Variants in CAP2 observed in about 807,000 individuals in gnomAD.
CAP2 encodes cyclase associated actin cytoskeleton regulatory protein 2.
CAP2 carries 24 observed loss-of-function variants against 57.7 expected under a neutral mutation model. The observed-to-expected ratio is 0.42, with a 90% CI of 0.30 to 0.58. The LOEUF is 0.58. CAP2 is among the 20% of genes least tolerant of loss of function. The probability of loss-of-function intolerance (pLI) is 0.22; values close to 1 mark genes in which losing one functional copy is unlikely to be tolerated. For missense variants in CAP2, 501 were observed against 590.3 expected (o/e 0.85, Z 1.57); for synonymous variants, 194 against 207.2 (o/e 0.94, Z 0.55).
chr6:17,434,231 C>CTTTTTTTTTTT (rs1219210615), intron 3 of CAP2, among the ~76,000 whole-genome samples: 1 of 137,114 alleles, frequency 7.3e-6, no homozygotes, highest in Non-Finnish European at 1.5e-5. Context: ...CTCTTTTTTT[C>CTTTTTTTTTTT]TTTCTTTTTT....
At chr6:17,523,904 T>A (rs542572389) in intron 7 of CAP2, among the ~76,000 whole-genome samples, 1 of 152,170 alleles carries the variant, frequency 6.6e-6, no homozygotes, top group East Asian at 1.9e-4. Flanking sequence ...TGAAACCCCG[T>A]CTCTACTAAA....
chr6:17,526,963 A>AG (rs1762526868), intron 7 of CAP2, among the ~76,000 whole-genome samples: 1 of 150,336 alleles, frequency 6.7e-6, no homozygotes, highest in Admixed American at 6.6e-5. Context: ...TCTCAAAAAA[A>AG]AAAAAAAAAA....
intron 7 of CAP2, among the ~76,000 whole-genome samples, chr6:17,538,988 G>C (rs1467652566): frequency 6.6e-6 from 1 of 152,176 alleles, no homozygotes; most frequent in Non-Finnish European, 1.5e-5. Context: ...GGACTTGGGA[G>C]TATGGCTCGT....
chr6:17,554,213 C>T (rs1763242153), intron 12 of CAP2, among the ~76,000 whole-genome samples: 1 of 152,116 alleles, frequency 6.6e-6, no homozygotes, highest in African/African-American at 2.4e-5. Flanking sequence ...CTCAATCGAT[C>T]TTCCTGCCTC....
chr6:17,491,174 G>A (rs189096744), intron 4 of CAP2, among the ~76,000 whole-genome samples: 126 of 151,870 alleles, frequency 8.3e-4, no homozygotes, highest in African/African-American at 2.9e-3. Flanking sequence ...GTCCCCCAAC[G>A]CCCCCGAGAT....
At chr6:17,546,387 G>A (rs981166263) in intron 11 of CAP2, among the ~76,000 whole-genome samples, 2 of 152,052 alleles carry the variant, frequency 1.3e-5, no homozygotes, top group African/African-American at 4.8e-5. Flanking sequence ...TTTTTGATGG[G>A]GTTGTTTGTT....
intron 3 of CAP2, among the ~76,000 whole-genome samples, chr6:17,428,379 G>C (rs1349566016): frequency 6.6e-6 from 1 of 152,116 alleles, no homozygotes; most frequent in Non-Finnish European, 1.5e-5. Flanking sequence ...ATGTATCACT[G>C]GGTTCTTCTT....
chr6:17,544,596 G>A (rs1417352881), intron 11 of CAP2, among the ~76,000 whole-genome samples: 3 of 151,264 alleles, frequency 2.0e-5, no homozygotes, highest in African/African-American at 4.9e-5. Flanking sequence ...CTGGAGTGCA[G>A]TGGCCCAGGC....
intron 7 of CAP2, among the ~76,000 whole-genome samples, chr6:17,532,156 T>C (rs950328565): frequency 7.1e-4 from 88 of 123,476 alleles, no homozygotes; most frequent in African/African-American, 2.6e-3. Context: ...TTTTTTTTTT[T>C]TGGAGGCAGA....
intron 3 of CAP2, among the ~76,000 whole-genome samples, chr6:17,427,020 C>T (rs527640687): frequency 7.2e-5 from 11 of 151,934 alleles, no homozygotes; most frequent in African/African-American, 2.7e-4. Context: ...GTTTTAAGTA[C>T]GAAAAGAATA....
chr6:17,459,023 G>A (rs1311303735), intron 3 of CAP2, among the ~76,000 whole-genome samples: 5 of 152,080 alleles, frequency 3.3e-5, no homozygotes, highest in Admixed American at 6.5e-5. Flanking sequence ...TCCCCAAAAC[G>A]CCTTAAAGAC....
intron 4 of CAP2, among the ~76,000 whole-genome samples, chr6:17,463,713 G>A (rs888876395): frequency 6.6e-6 from 1 of 152,150 alleles, no homozygotes; most frequent in African/African-American, 2.4e-5. Context: ...TGCCCATGCT[G>A]CTGATCCTCA....
chr6:17,476,753 G>T (rs1393511572), intron 4 of CAP2, among the ~76,000 whole-genome samples: 1 of 152,020 alleles, frequency 6.6e-6, no homozygotes, highest in Non-Finnish European at 1.5e-5. Flanking sequence ...TATCCCTGTG[G>T]CTTGTCAGTT....
intron 7 of CAP2, among the ~76,000 whole-genome samples, chr6:17,524,347 A>G (rs1020048632): frequency 1.3e-5 from 2 of 152,144 alleles, no homozygotes; most frequent in East Asian, 1.9e-4. Context: ...AACTGTTTTT[A>G]TTATCTCATA....
At chr6:17,511,642 C>T (rs898103792) in intron 6 of CAP2, among the ~76,000 whole-genome samples, 13 of 152,062 alleles carry the variant, frequency 8.5e-5, no homozygotes, top group Admixed American at 3.3e-4. Context: ...TTAGTGGAGA[C>T]GGAGTTTCGC....
chr6:17,537,327 C>T (rs1399529452), intron 7 of CAP2, among the ~76,000 whole-genome samples: 1 of 152,092 alleles, frequency 6.6e-6, no homozygotes, highest in Non-Finnish European at 1.5e-5. Context: ...GCTGGGACTA[C>T]AGGCATGCAT....
intron 4 of CAP2, among the ~76,000 whole-genome samples, chr6:17,482,635 T>G (rs1761321188): frequency 6.6e-6 from 1 of 151,996 alleles, no homozygotes; most frequent in South Asian, 2.1e-4. Context: ...GCTGGTAATC[T>G]GGTGTTTCGT....
At chr6:17,496,823 G>T (rs1306541682) in intron 4 of CAP2, among the ~76,000 whole-genome samples, 1 of 152,162 alleles carries the variant, frequency 6.6e-6, no homozygotes, top group Non-Finnish European at 1.5e-5. Context: ...GTTTGAGGTG[G>T]AAACTGTAGA....
chr6:17,421,039 G>A (rs1436953769), intron 1 of CAP2, among the ~76,000 whole-genome samples: 1 of 152,196 alleles, frequency 6.6e-6, no homozygotes, highest in African/African-American at 2.4e-5. Context: ...TATGCACTAT[G>A]AAATACTAAT....
Sources: gnomAD v4.1 joint callset for allele counts (sites outside exome capture counted in the v4.1 genomes callset) on GRCh38, gnomAD v4.1.1 for gene constraint, MANE v1.5 for transcripts, NCBI Gene and HGNC (gene_info 2026-07-23, HGNC 2026-07-21) for gene names.